The following PLCB1 variants were observed in gnomAD, a reference collection of about 807,000 sequenced individuals.
PLCB1 encodes phospholipase C beta 1.
PLCB1 carries 46 observed loss-of-function variants against 161.8 expected under a neutral mutation model. That is an observed-to-expected ratio of 0.28 (90% CI 0.22 to 0.36). The LOEUF (loss-of-function observed/expected upper bound fraction) is 0.36, where lower values mean the gene tolerates loss of function less well. Ranked by LOEUF, PLCB1 falls within the 10% of genes least tolerant of loss-of-function variation. PLCB1 has a pLI of 1.00. For missense variants in PLCB1, 1,016 were observed against 1,472.5 expected, an observed-to-expected ratio of 0.69 and a Z score of 5.07; for synonymous variants, 517 against 503.7, an observed-to-expected ratio of 1.03 and a Z score of -0.35.
chr20:8,235,600 C>G (rs944734845), intron 2 of PLCB1, among the ~76,000 whole-genome samples: 4 of 152,000 alleles, frequency 2.6e-5, no homozygotes, highest in African/African-American at 9.7e-5. Flanking sequence ...GGGAGAGAGC[C>G]AAAGTTATTC....
intron 3 of PLCB1, among the ~76,000 whole-genome samples, chr20:8,520,271 T>C (rs1406094327): frequency 6.6e-6 from 1 of 152,184 alleles, no homozygotes; most frequent in Non-Finnish European, 1.5e-5. Flanking sequence ...GAATATCCCA[T>C]TGGTTAATTT....
chr20:8,614,308 A>T (rs1469210436), intron 3 of PLCB1, among the ~76,000 whole-genome samples: 1 of 152,040 alleles, frequency 6.6e-6, no homozygotes, highest in Admixed American at 6.6e-5. Flanking sequence ...TATCCTAAGT[A>T]AATTATCATT....
chr20:8,881,410 G>A (rs184009864), intron 31 of PLCB1, among the ~76,000 whole-genome samples: 83 of 151,610 alleles, frequency 5.5e-4, no homozygotes, highest in African/African-American at 1.9e-3. Flanking sequence ...GCCTTATTGT[G>A]CCACACATAA....
Position 8,881,617 on chromosome 20 carries a change from C to T in PLCB1, c.3424-5C>T. The T allele has an allele frequency of 6.2e-7, 1 of 1,610,346 alleles. No homozygotes were observed. Among genetic ancestry groups the T allele is most frequent in the Non-Finnish European group, 8.5e-7 (1 of 1,176,614 alleles). On this transcript the variant is annotated splice_region_variant and splice_polypyrimidine_tract_variant and intron_variant, in intron 31 of 31. Transcript: ENST00000338037. ...CAAGTCATCTCCCCTCTTGATGTCT[C>T]TCAGCTGCAGGTGGAGCTGGAGCAA... is the stretch of plus-strand genomic sequence containing the variant.
At chr20:8,736,425 G>C (rs936499827) in intron 19 of PLCB1, among the ~76,000 whole-genome samples, 4 of 152,104 alleles carry the variant, frequency 2.6e-5, no homozygotes, top group Non-Finnish European at 4.4e-5. Context: ...GTGAATACTT[G>C]TTCATTTATT....
At chr20:8,686,979 C>G (rs553676143) in intron 10 of PLCB1, among the ~76,000 whole-genome samples, 2 of 151,580 alleles carry the variant, frequency 1.3e-5, no homozygotes, top group South Asian at 4.2e-4. Context: ...TTTTAAGGCA[C>G]GAGTTCACAT....
intron 3 of PLCB1, among the ~76,000 whole-genome samples, chr20:8,413,514 G>A (rs981600858): frequency 6.6e-6 from 1 of 152,182 alleles, no homozygotes; most frequent in African/African-American, 2.4e-5. Context: ...TACACAAAAT[G>A]TATCAAACAT....
intron 25 of PLCB1, among the ~76,000 whole-genome samples, chr20:8,762,084 C>T (rs1982070292): frequency 1.3e-5 from 2 of 151,992 alleles, no homozygotes; most frequent in African/African-American, 4.8e-5. Flanking sequence ...GTGGCGCGCA[C>T]CTATAATCCC....
chr20:8,712,032 G>A (rs1217456781), intron 12 of PLCB1, among the ~76,000 whole-genome samples: 1 of 152,214 alleles, frequency 6.6e-6, no homozygotes, highest in African/African-American at 2.4e-5. Context: ...ACAGGGCACG[G>A]TGGCTCACGC....
At chr20:8,413,342 C>A (rs1979125148) in intron 3 of PLCB1, among the ~76,000 whole-genome samples, 1 of 152,122 alleles carries the variant, frequency 6.6e-6, no homozygotes, top group Non-Finnish European at 1.5e-5. Flanking sequence ...ACAGGAAACC[C>A]TTGTTATATG....
At chr20:8,830,326 ATCAAGGGC>A (rs1287511777) in intron 31 of PLCB1, among the ~76,000 whole-genome samples, 1 of 152,244 alleles carries the variant, frequency 6.6e-6, no homozygotes, top group Non-Finnish European at 1.5e-5. Flanking sequence ...TGCAAGAAGC[ATCAAGGGC>A]TTGGAGCTTT....
chr20:8,802,756 A>G (rs563736110), intron 31 of PLCB1, among the ~76,000 whole-genome samples: 23 of 152,312 alleles, frequency 1.5e-4, no homozygotes, highest in Non-Finnish European at 3.4e-4. Flanking sequence ...GCTCTTGGAA[A>G]TATCTCACTA....
At chr20:8,178,839 A>G (rs2423345) in intron 2 of PLCB1, among the ~76,000 whole-genome samples, 42,005 of 152,108 alleles carry the variant, frequency 0.28, 6,983 homozygotes, top group Non-Finnish European at 0.39. Flanking sequence ...TCCTGTTTCA[A>G]TCTTCTGCAT....
intron 2 of PLCB1, among the ~76,000 whole-genome samples, chr20:8,354,930 C>G (rs922641586): frequency 6.6e-6 from 1 of 152,040 alleles, no homozygotes; most frequent in South Asian, 2.1e-4. Context: ...TTAGCTGATC[C>G]TACATATATT....
At chr20:8,362,582 G>T (rs1986577915) in intron 2 of PLCB1, among the ~76,000 whole-genome samples, 1 of 152,118 alleles carries the variant, frequency 6.6e-6, no homozygotes, top group Admixed American at 6.6e-5. Context: ...TTTACTCTTA[G>T]ATGAGCGTGT....
rs56046755 is a variant in PLCB1, at chr20:8,226,979, G to A, written c.177+76608G>A. On this transcript the variant is annotated intron_variant, in intron 2 of 31. Coordinates refer to ENST00000338037, the MANE Select transcript of PLCB1 (RefSeq NM_015192.4). ...TGGGATTACAGGCATGAGCCACCGC[G>A]CCCGGCCAAGTAAAACCAATTTTTA... Among the ~76,000 whole-genome samples, 1,022 of 152,204 alleles carry A rather than the reference G, an allele frequency of 6.7e-3. 18 individuals are homozygous for A. Among genetic ancestry groups the A allele is most frequent in the African/African-American group, 0.023 (958 of 41,528 alleles).
At chr20:8,458,691 A>AC (rs1981437135) in intron 3 of PLCB1, among the ~76,000 whole-genome samples, 2 of 152,166 alleles carry the variant, frequency 1.3e-5, no homozygotes, top group South Asian at 4.1e-4. Context: ...TATTTACATT[A>AC]CCTGTCTGGG....
chr20:8,188,583 A>C (rs1391971095), intron 2 of PLCB1, among the ~76,000 whole-genome samples: 3 of 152,128 alleles, frequency 2.0e-5, no homozygotes, highest in African/African-American at 7.2e-5. Flanking sequence ...TTATGACATT[A>C]TTATGTGCTA....
chr20:8,291,041 GAAA>G (rs201744273), intron 2 of PLCB1, among the ~76,000 whole-genome samples: 1 of 120,684 alleles, frequency 8.3e-6, no homozygotes, highest in Non-Finnish European at 1.8e-5. Context: ...ATCTTTTTGT[GAAA>G]AAAAAAAAAA....
Sources: gnomAD v4.1 joint callset for allele counts (sites outside exome capture counted in the v4.1 genomes callset) on GRCh38, gnomAD v4.1.1 for gene constraint, MANE v1.5 for transcripts, NCBI Gene and HGNC (gene_info 2026-07-23, HGNC 2026-07-21) for gene names.